Variants in AKAP6 observed in about 807,000 individuals in gnomAD.
The protein encoded by AKAP6 is A-kinase anchor protein 6.
Under a neutral mutation model 188.5 loss-of-function variants are expected in AKAP6, and 58 were observed. The observed-to-expected ratio is 0.31, with a 90% CI of 0.25 to 0.38. The LOEUF (loss-of-function observed/expected upper bound fraction) is 0.38, where lower values mean the gene tolerates loss of function less well. AKAP6 is among the 10% of genes least tolerant of loss of function. AKAP6 has a pLI of 1.00. For synonymous variants in AKAP6, 989 were observed against 998.6 expected, an observed-to-expected ratio of 0.99 and a Z score of 0.18; for missense variants, 2,710 against 2,740.0, an observed-to-expected ratio of 0.99 and a Z score of 0.24.
intron 1 of AKAP6, among the ~76,000 whole-genome samples, chr14:32,398,844 G>GTTT (rs773955888): frequency 2.3e-4 from 14 of 60,980 alleles, no homozygotes; most frequent in African/African-American, 7.7e-4. Flanking sequence ...CTTTCTTCCT[G>GTTT]TTTTTTTTTT....
chr14:32,740,394 A>T (rs1427288609), intron 11 of AKAP6, among the ~76,000 whole-genome samples: 1 of 151,854 alleles, frequency 6.6e-6, no homozygotes, highest in Non-Finnish European at 1.5e-5. Flanking sequence ...TCATTTGTCC[A>T]TTTTTGCTGA....
intron 12 of AKAP6, among the ~76,000 whole-genome samples, chr14:32,813,553 A>G (rs1017037353): frequency 6.6e-6 from 1 of 152,112 alleles, no homozygotes; most frequent in Non-Finnish European, 1.5e-5. Context: ...AAAAGGGGCC[A>G]TTATGAATAA....
chr14:32,752,694 CT>C (rs1374292345), intron 11 of AKAP6, among the ~76,000 whole-genome samples: 1 of 152,190 alleles, frequency 6.6e-6, no homozygotes, highest in Non-Finnish European at 1.5e-5. Context: ...CCCCCATCCC[CT>C]AGCCCAGTCT....
chr14:32,511,842 A>G (rs1881280961), intron 2 of AKAP6, among the ~76,000 whole-genome samples: 1 of 152,112 alleles, frequency 6.6e-6, no homozygotes. Flanking sequence ...TTAAAATTTT[A>G]TCTTTAATAG....
At chr14:32,594,471 G>C (rs1885609239) in intron 5 of AKAP6, among the ~76,000 whole-genome samples, 1 of 152,084 alleles carries the variant, frequency 6.6e-6, no homozygotes, top group South Asian at 2.1e-4. Context: ...GTTCTTAAAT[G>C]CTTACTCATA....
chr14:32,578,589 A>G (rs568170044), intron 5 of AKAP6, among the ~76,000 whole-genome samples: 1 of 152,308 alleles, frequency 6.6e-6, no homozygotes, highest in South Asian at 2.1e-4. Context: ...ATTAATTAGA[A>G]TGTCAACTTT....
chr14:32,754,145 GT>G (rs2032246075), intron 11 of AKAP6, among the ~76,000 whole-genome samples: 1 of 151,764 alleles, frequency 6.6e-6, no homozygotes, highest in South Asian at 2.1e-4. Flanking sequence ...TTCTCTCTTC[GT>G]TTCTGTCAAT....
At chr14:32,746,428 T>G (rs2139886227) in intron 11 of AKAP6, among the ~76,000 whole-genome samples, 1 of 152,224 alleles carries the variant, frequency 6.6e-6, no homozygotes, top group African/African-American at 2.4e-5. Flanking sequence ...AGGTAGTGGG[T>G]TTCCTTCTGG....
chr14:32,504,049 T>A (rs1476914007), intron 2 of AKAP6, among the ~76,000 whole-genome samples: 2 of 151,890 alleles, frequency 1.3e-5, no homozygotes, highest in Non-Finnish European at 2.9e-5. Context: ...GATATGGAGT[T>A]TTCCTATCCA....
At chr14:32,586,952 A>G (rs1316177588) in intron 5 of AKAP6, among the ~76,000 whole-genome samples, 23 of 152,226 alleles carry the variant, frequency 1.5e-4, no homozygotes, top group Admixed American at 1.5e-3. Context: ...TTTGTAACGT[A>G]TTACCAAACT....
Position 32,756,039 on chromosome 14 carries a change from G to C in AKAP6, c.3373-17639G>C, listed in dbSNP as rs1018982611. Among the ~76,000 whole-genome samples the C allele has an allele frequency of 2.8e-4, 43 of 152,212 alleles. 1 individual carries two copies. Among genetic ancestry groups the C allele is most frequent in the Admixed American group, 2.8e-3 (43 of 15,286 alleles). On this transcript the variant is annotated intron_variant, in intron 11 of 13. Transcript: ENST00000280979. ...CTAGAGATTCTGAGTGTGACATCTG[G>C]TAGGGTCCATGGCCAGGCTGGCCTG...
At position 32,735,671 on chromosome 14, in the gene AKAP6, A is replaced by G. The variant is rs1340370767; in HGVS notation, c.3161A>G (p.Glu1054Gly). The G allele has an allele frequency of 3.1e-6, 5 of 1,591,466 alleles. No homozygotes were observed. The highest frequency in any genetic ancestry group is 3.4e-6 in the Non-Finnish European group (4 of 1,172,240). ...KWELLGKTLGEKIQDTMAGHS... is the reference protein window; with the variant it reads ...KWELLGKTLGGKIQDTMAGHS... ...CTGATGCATTAGAAAACCCTAGGAG[A>G]GAAGATCCAGGACACAATGGCAGGG... is the stretch of plus-strand genomic sequence containing the variant. The change falls in exon 11 of 14, where the codon GAG becomes GGG. Residue 1054 changes from glutamate to glycine, a missense_variant. This residue lies in a region of AKAP6 where 2,473 missense variants were observed against 2,426.1 expected (regional missense o/e 1.02). Coordinates refer to ENST00000280979, the MANE Select transcript of AKAP6 (RefSeq NM_004274.5).
chr14:32,466,724 C>G (rs1009447503), intron 2 of AKAP6, among the ~76,000 whole-genome samples: 2 of 129,924 alleles, frequency 1.5e-5, no homozygotes, highest in Non-Finnish European at 3.2e-5. Context: ...CACATGTATC[C>G]TAGAACTTAA....
At chr14:32,717,608 T>TCTCACA (rs1555355451) in intron 9 of AKAP6, among the ~76,000 whole-genome samples, 1 of 147,736 alleles carries the variant, frequency 6.8e-6, no homozygotes, top group South Asian at 2.1e-4. Context: ...TTGTCTCTTA[T>TCTCACA]CACACACACA....
intron 12 of AKAP6, among the ~76,000 whole-genome samples, chr14:32,819,581 A>T (rs2034468317): frequency 6.6e-6 from 1 of 152,202 alleles, no homozygotes; most frequent in South Asian, 2.1e-4. Context: ...TGTGAAGAAG[A>T]GAATGAAGCA....
At chr14:32,791,739 T>G (rs1019227609) in intron 12 of AKAP6, among the ~76,000 whole-genome samples, 2 of 152,154 alleles carry the variant, frequency 1.3e-5, no homozygotes, top group Non-Finnish European at 2.9e-5. Flanking sequence ...TCTTCTAGGG[T>G]TTTTATGGTT....
At chr14:32,699,206 A>G (rs1409994815) in intron 9 of AKAP6, among the ~76,000 whole-genome samples, 1 of 152,150 alleles carries the variant, frequency 6.6e-6, no homozygotes, top group Non-Finnish European at 1.5e-5. Context: ...TTGCACTAGA[A>G]AATCAGCTAG....
chr14:32,779,466 AAAGCT>A lies in AKAP6; in HGVS notation c.3588+5577_3588+5581del, dbSNP rs371521341. 1.6e-4 allele frequency among the ~76,000 whole-genome samples: 24 copies of A among 151,774 alleles called. No homozygotes were observed. In the South Asian group the frequency reaches 5.0e-3, roughly 32 times the overall value. On this transcript the variant is annotated intron_variant, in intron 12 of 13. Transcript: ENST00000280979. ...CCCACTTTAAACATAAAGATATAATAAAGCTAAGAGATGGAAATATATATATTAAG... is the reference window on the plus strand; with the variant it reads ...CCCACTTTAAACATAAAGATATAATAAAGAGATGGAAATATATATATTAAG...
At chr14:32,500,602 C>G (rs923552295) in intron 2 of AKAP6, among the ~76,000 whole-genome samples, 1 of 152,104 alleles carries the variant, frequency 6.6e-6, no homozygotes, top group African/African-American at 2.4e-5. Flanking sequence ...AGTGTAGGTG[C>G]TAATACTACT....
Sources: gnomAD v4.1 joint callset for allele counts (sites outside exome capture counted in the v4.1 genomes callset) on GRCh38, gnomAD v4.1.1 for gene constraint, gnomAD v4.1.1 regional missense constraint, MANE v1.5 for transcripts, NCBI Gene and HGNC (gene_info 2026-07-23, HGNC 2026-07-21) for gene names.